MALRD1: variants seen among roughly 807,000 people sequenced by gnomAD.
MALRD1 encodes MAM and LDL-receptor class A domain-containing protein 1.
MALRD1 carries 247 observed loss-of-function variants against 242.1 expected under a neutral mutation model. That is an observed-to-expected ratio of 1.02 (90% CI 0.92 to 1.13). The LOEUF is 1.13. Ranked by LOEUF, MALRD1 falls within the 50% of genes most tolerant of loss-of-function variation. MALRD1 has a pLI of 0.00. For missense variants in MALRD1, 2,989 were observed against 2,533.1 expected (o/e 1.18, Z -3.86); for synonymous variants, 995 against 866.6 (o/e 1.15, Z -2.60).
chr10:19,203,673 A>G lies in MALRD1; in HGVS notation c.1952-55A>G. 7 of 1,457,150 alleles carry G rather than the reference A, an allele frequency of 4.8e-6. No homozygotes were observed. In the South Asian group the frequency reaches 1.0e-4, roughly 21 times the overall value. 90.3% of individuals were successfully genotyped at this position (1,457,150 alleles called of 1,614,324 possible). A position where few individuals can be genotyped will look rare whatever the true frequency, so the allele number is the denominator to read the frequency against. ...AATTCTATTTGAGCTCTGCCTTTTCAAAGTGTGGGAGCAGTTTGGAGAGCC... is the reference window on the plus strand; with the variant it reads ...AATTCTATTTGAGCTCTGCCTTTTCGAAGTGTGGGAGCAGTTTGGAGAGCC... On this transcript the variant is annotated intron_variant, in intron 14 of 39. Coordinates refer to ENST00000454679, the MANE Select transcript of MALRD1 (RefSeq NM_001142308.3).
At chr10:19,108,016 A>T (rs1836529911) in intron 5 of MALRD1, among the ~76,000 whole-genome samples, 2 of 152,080 alleles carry the variant, frequency 1.3e-5, no homozygotes, top group Admixed American at 1.3e-4. Flanking sequence ...GGCTTTGTGG[A>T]TATGGATGTT....
At chr10:19,201,130 C>T (rs1023599825) in intron 14 of MALRD1, among the ~76,000 whole-genome samples, 1 of 152,038 alleles carries the variant, frequency 6.6e-6, no homozygotes, top group Non-Finnish European at 1.5e-5. Flanking sequence ...GCTATTTCTC[C>T]TTTTCTAACT....
intron 12 of MALRD1, among the ~76,000 whole-genome samples, chr10:19,159,297 A>C (rs1834295939): frequency 6.6e-6 from 1 of 152,072 alleles, no homozygotes; most frequent in Non-Finnish European, 1.5e-5. Context: ...TCCCAGCTGA[A>C]TTTTGAGGAG....
chr10:19,572,797 G>C (rs1836626905), intron 33 of MALRD1, among the ~76,000 whole-genome samples: 1 of 152,168 alleles, frequency 6.6e-6, no homozygotes, highest in Admixed American at 6.5e-5. Context: ...AGAGATTGGA[G>C]TAACTCATCT....
At chr10:19,571,608 G>A (rs117728682) in intron 33 of MALRD1, among the ~76,000 whole-genome samples, 266 of 152,188 alleles carry the variant, frequency 1.7e-3, no homozygotes, top group Middle Eastern at 3.4e-3. Context: ...ATGAAATATA[G>A]TTGTTAAAAA....
At chr10:19,099,847 C>T (rs552801216) in intron 4 of MALRD1, among the ~76,000 whole-genome samples, 1 of 151,702 alleles carries the variant, frequency 6.6e-6, no homozygotes, top group South Asian at 2.1e-4. Context: ...ATTGCAACCT[C>T]TGCCTCCCGG....
At chr10:19,113,798 C>G (rs1459049749) in intron 5 of MALRD1, among the ~76,000 whole-genome samples, 2 of 130,926 alleles carry the variant, frequency 1.5e-5, no homozygotes, top group Non-Finnish European at 3.4e-5. Flanking sequence ...CCCCTACACA[C>G]ACACACACAC....
intron 10 of MALRD1, among the ~76,000 whole-genome samples, chr10:19,144,350 T>C (rs1303850054): frequency 6.6e-6 from 1 of 152,200 alleles, no homozygotes; most frequent in East Asian, 1.9e-4. Context: ...CCCACAGATA[T>C]GGAAGACCCA....
chr10:19,061,675 G>T (rs1310084626), intron 1 of MALRD1, among the ~76,000 whole-genome samples: 2 of 152,072 alleles, frequency 1.3e-5, no homozygotes, highest in Non-Finnish European at 2.9e-5. Context: ...AGGGACCCAA[G>T]ACCAATGGGG....
chr10:19,290,758 G>T (rs1037214115), intron 21 of MALRD1, among the ~76,000 whole-genome samples: 4 of 152,082 alleles, frequency 2.6e-5, no homozygotes, highest in Non-Finnish European at 5.9e-5. Flanking sequence ...ATTATTATTT[G>T]CTTATCATTG....
intron 7 of MALRD1, among the ~76,000 whole-genome samples, chr10:19,125,008 A>G (rs1837206948): frequency 2.1e-5 from 2 of 97,134 alleles, no homozygotes; most frequent in African/African-American, 8.2e-5. Flanking sequence ...TGCAGTGGTG[A>G]GATCTCGGCC....
At chr10:19,125,347 T>C (rs940993478) in intron 7 of MALRD1, among the ~76,000 whole-genome samples, 3 of 102,594 alleles carry the variant, frequency 2.9e-5, no homozygotes, top group African/African-American at 8.0e-5. Flanking sequence ...CTTTCTTTCT[T>C]TCTTTCTTTC....
intron 26 of MALRD1, among the ~76,000 whole-genome samples, chr10:19,370,658 A>G (rs150490836): frequency 2.6e-5 from 4 of 152,116 alleles, no homozygotes; most frequent in African/African-American, 4.8e-5. Flanking sequence ...GTTCACTTCA[A>G]CCTCTGCCTC....
In MALRD1 at chr10:19,055,383, G is replaced by A. The variant is rs1834632428; in HGVS notation, c.199+6246G>A. 2.0e-5 allele frequency among the ~76,000 whole-genome samples: 3 copies of A among 152,076 alleles called. No individual in the cohort carries two copies. The South Asian group carries it at 6.2e-4, about 32-fold the overall frequency. On this transcript the variant is annotated intron_variant, in intron 1 of 39. Transcript: ENST00000454679. ...TACTTTGTTAATTGTCATCTTTGCT[G>A]TGCAGAAGCTTTTTAGTTTGATGCG...
At chr10:19,281,292 G>A (rs1840797875) in intron 20 of MALRD1, among the ~76,000 whole-genome samples, 1 of 152,124 alleles carries the variant, frequency 6.6e-6, no homozygotes, top group Non-Finnish European at 1.5e-5. Context: ...TTGCTCATCG[G>A]AAGGCATTCG....
At chr10:19,372,477 T>A (rs1281146543) in intron 26 of MALRD1, among the ~76,000 whole-genome samples, 1 of 152,062 alleles carries the variant, frequency 6.6e-6, no homozygotes, top group East Asian at 1.9e-4. Flanking sequence ...ATTTAATTTT[T>A]TTTTTTTTGC....
At chr10:19,059,685 C>G (rs190274447) in intron 1 of MALRD1, among the ~76,000 whole-genome samples, 9 of 152,186 alleles carry the variant, frequency 5.9e-5, no homozygotes, top group African/African-American at 2.2e-4. Context: ...AGCCACTGCG[C>G]TGGCCCTCTG....
intron 32 of MALRD1, among the ~76,000 whole-genome samples, chr10:19,537,887 A>G (rs1222429842): frequency 6.6e-6 from 1 of 152,146 alleles, no homozygotes; most frequent in Non-Finnish European, 1.5e-5. Flanking sequence ...AGTCCATTGC[A>G]CAGGGAGAAA....
intron 5 of MALRD1, among the ~76,000 whole-genome samples, chr10:19,110,568 G>A (rs769358767): frequency 6.6e-6 from 1 of 152,144 alleles, no homozygotes; most frequent in Non-Finnish European, 1.5e-5. Flanking sequence ...CTTATCAAAA[G>A]GGATGCAATT....
Sources: allele counts gnomAD v4.1 joint callset (sites outside exome capture counted in the v4.1 genomes callset), GRCh38; gene constraint gnomAD v4.1.1; transcripts MANE v1.5; gene names NCBI Gene and HGNC (gene_info 2026-07-23, HGNC 2026-07-21).